The following IPO11 variants were observed in gnomAD, a reference collection of about 807,000 sequenced individuals.
IPO11 encodes the protein importin 11, also known as importin-11.
Under a neutral mutation model 143.2 loss-of-function variants are expected in IPO11, and 66 were observed. That is an observed-to-expected ratio of 0.46 (90% CI 0.38 to 0.57). IPO11 has a LOEUF of 0.57. IPO11 is among the 20% of genes least tolerant of loss of function. The pLI is 0.00. For missense variants in IPO11, 1,026 were observed against 1,141.0 expected, an observed-to-expected ratio of 0.90 and a Z score of 1.45; for synonymous variants, 385 against 377.8, an observed-to-expected ratio of 1.02 and a Z score of -0.22.
intron 11 of IPO11, 70 bp from the exon 12 acceptor site, chr5:62,485,349 A>T: frequency 8.5e-7 from 1 of 1,180,234 alleles, no homozygotes; most frequent in Non-Finnish European, 1.3e-6. Context: ...TATTATACTG[A>T]TGTTATTAAA....
rs1192784008 is a variant in IPO11 at position 62,572,971 on chromosome 5, A to G, written c.2582+11714A>G. 2.6e-5 allele frequency among the ~76,000 whole-genome samples: 4 copies of G among 151,298 alleles called. No homozygotes were observed. The South Asian group carries it at 6.2e-4, about 24-fold the overall frequency. ...ATTTTCTCAAGTTCCGTTTGTTACG[A>G]AAAACCTCCTATCGTAAATTATATA... On this transcript the variant is annotated intron_variant, in intron 27 of 29. Transcript: ENST00000325324.
intron 9 of IPO11, among the ~76,000 whole-genome samples, chr5:62,477,681 C>T (rs1561326769): frequency 6.6e-6 from 1 of 152,216 alleles, no homozygotes; most frequent in Non-Finnish European, 1.5e-5. Flanking sequence ...GCCTGCGGCT[C>T]TGCTGCCTCA....
rs1272011789 is a variant in IPO11 at position 62,579,985 on chromosome 5, C to T, written c.2583-11592C>T. 36 of 1,551,160 alleles carry T rather than the reference C, an allele frequency of 2.3e-5. No homozygotes were observed. The highest frequency in any genetic ancestry group is 1.7e-4 in the Middle Eastern group (1 of 5,990). On this transcript the variant is annotated intron_variant, in intron 27 of 29. Transcript: ENST00000325324. Reference sequence around the variant, plus strand: ...TACCTTTGTTGGTATGGTTGCTCTTCGGATACTTGATTTATCAAACAATAA... The same window carrying T: ...TACCTTTGTTGGTATGGTTGCTCTTTGGATACTTGATTTATCAAACAATAA...
At chr5:62,459,380 T>C (rs1745277867) in intron 5 of IPO11, among the ~76,000 whole-genome samples, 1 of 125,004 alleles carries the variant, frequency 8.0e-6, no homozygotes, top group African/African-American at 3.1e-5. Flanking sequence ...TTTTTGAGAC[T>C]CTGTCTCAAA....
intron 5 of IPO11, among the ~76,000 whole-genome samples, chr5:62,464,808 G>C (rs1299717378): frequency 6.6e-6 from 1 of 152,142 alleles, no homozygotes; most frequent in Non-Finnish European, 1.5e-5. Flanking sequence ...AGTGACTTCA[G>C]ATAATGGCGA....
chr5:62,546,261 T>C (rs1343079860), intron 24 of IPO11, among the ~76,000 whole-genome samples: 1 of 152,174 alleles, frequency 6.6e-6, no homozygotes, highest in East Asian at 1.9e-4. Flanking sequence ...TGGAATACTA[T>C]GCAGCCATAA....
At chr5:62,513,311 G>T (rs527684670) in intron 19 of IPO11, among the ~76,000 whole-genome samples, 1 of 69,612 alleles carries the variant, frequency 1.4e-5, no homozygotes, top group Non-Finnish European at 2.9e-5. Context: ...TGGGCGTGGG[G>T]CTGACCCCCC....
At chr5:62,595,995 A>G (rs1745197087) in intron 28 of IPO11, among the ~76,000 whole-genome samples, 1 of 151,806 alleles carries the variant, frequency 6.6e-6, no homozygotes, top group African/African-American at 2.4e-5. Flanking sequence ...GCGGTGGCTC[A>G]TGCCTGTAAT....
intron 13 of IPO11, among the ~76,000 whole-genome samples, chr5:62,488,297 C>T (rs1487220625): frequency 6.6e-6 from 1 of 152,228 alleles, no homozygotes; most frequent in African/African-American, 2.4e-5. Flanking sequence ...AACTAATTAT[C>T]TGCCTATTAA....
chr5:62,455,762 T>C (rs1275332363), intron 5 of IPO11, among the ~76,000 whole-genome samples: 1 of 152,002 alleles, frequency 6.6e-6, no homozygotes, highest in Admixed American at 6.5e-5. Flanking sequence ...GGAATTCTTT[T>C]TTTTTTTTGA....
intron 16 of IPO11, among the ~76,000 whole-genome samples, chr5:62,503,402 T>TG: frequency 6.8e-6 from 1 of 147,802 alleles, no homozygotes; most frequent in African/African-American, 2.5e-5. Flanking sequence ...ATTAATATAT[T>TG]AATAGTATCT....
At chr5:62,499,717 A>G (rs1288418464) in intron 16 of IPO11, among the ~76,000 whole-genome samples, 2 of 152,046 alleles carry the variant, frequency 1.3e-5, no homozygotes, top group African/African-American at 2.4e-5. Context: ...CTCCTTTGTA[A>G]TAGCACTTAG....
chr5:62,498,259 C>A (rs1019370800), intron 16 of IPO11, among the ~76,000 whole-genome samples: 1 of 151,988 alleles, frequency 6.6e-6, no homozygotes, highest in African/African-American at 2.4e-5. Flanking sequence ...TGGAGCATAT[C>A]GGTAGTTCCT....
At chr5:62,472,226 A>G (rs920122064) in intron 7 of IPO11, among the ~76,000 whole-genome samples, 27 of 152,228 alleles carry the variant, frequency 1.8e-4, no homozygotes, top group Non-Finnish European at 3.7e-4. Context: ...GCAATATGTC[A>G]AAGTCTCAGG....
At chr5:62,595,981 C>T (rs527524747) in intron 28 of IPO11, among the ~76,000 whole-genome samples, 7 of 151,424 alleles carry the variant, frequency 4.6e-5, no homozygotes, top group East Asian at 1.9e-4. Flanking sequence ...TTTAGTGGCC[C>T]GGCGCGGTGG....
intron 14 of IPO11, 59 bp from the exon 15 acceptor site, chr5:62,490,056 C>A: frequency 1.1e-6 from 1 of 912,844 alleles, no homozygotes; most frequent in Non-Finnish European, 1.6e-6. Context: ...GTTTCATACA[C>A]TCATTTGCAG....
intron 24 of IPO11, among the ~76,000 whole-genome samples, chr5:62,538,133 A>G (rs924547876): frequency 1.1e-4 from 16 of 152,220 alleles, no homozygotes; most frequent in Non-Finnish European, 2.1e-4. Flanking sequence ...AAGTAGCATT[A>G]TGGTGTGAAA....
At chr5:62,476,449 C>G (rs1375938520) in intron 8 of IPO11, among the ~76,000 whole-genome samples, 1 of 152,104 alleles carries the variant, frequency 6.6e-6, no homozygotes, top group Non-Finnish European at 1.5e-5. Context: ...AACGACTATT[C>G]TTTTACTATA....
chr5:62,517,839 C>T (rs1364271291), intron 20 of IPO11, among the ~76,000 whole-genome samples: 1 of 152,120 alleles, frequency 6.6e-6, no homozygotes, highest in Non-Finnish European at 1.5e-5. Flanking sequence ...AATGTTAGGC[C>T]TTTTTTCTTT....
Sources: allele counts gnomAD v4.1 joint callset (sites outside exome capture counted in the v4.1 genomes callset), GRCh38; gene constraint gnomAD v4.1.1; transcripts MANE v1.5; gene names NCBI Gene and HGNC (gene_info 2026-07-23, HGNC 2026-07-21).